FBXO42: variants seen among roughly 807,000 people sequenced by gnomAD.
FBXO42 encodes the protein F-box protein 42.
In FBXO42, 12 loss-of-function variants were observed where a neutral mutation model predicts 71.7. That is an observed-to-expected ratio of 0.17 (90% CI 0.11 to 0.27). The LOEUF is 0.27. FBXO42 is among the 10% of genes least tolerant of loss of function. The pLI is 1.00. For synonymous variants in FBXO42, 325 were observed against 327.5 expected (o/e 0.99, Z 0.08); for missense variants, 707 against 911.9 (o/e 0.78, Z 2.89).
chr1:16,317,869 T>G (rs1013622155), intron 1 of FBXO42, among the ~76,000 whole-genome samples: 3 of 147,894 alleles, frequency 2.0e-5, no homozygotes, highest in African/African-American at 7.5e-5. Context: ...CAGGAAGCCA[T>G]GACCACACCA....
chr1:16,328,116 C>A (rs12134924), intron 1 of FBXO42, among the ~76,000 whole-genome samples: 39,305 of 152,016 alleles, frequency 0.26, 5,862 homozygotes, highest in Non-Finnish European at 0.34. Context: ...ACTCAAAGCT[C>A]ACAACCCACA....
intron 4 of FBXO42, among the ~76,000 whole-genome samples, chr1:16,280,348 G>A (rs1051234691): frequency 6.6e-6 from 1 of 152,128 alleles, no homozygotes; most frequent in African/African-American, 2.4e-5. Context: ...CAGCCAAAAG[G>A]AGCCTAAGGA....
chr1:16,277,595 T>G (rs1410486517), intron 4 of FBXO42, among the ~76,000 whole-genome samples: 3 of 151,364 alleles, frequency 2.0e-5, no homozygotes, highest in Non-Finnish European at 2.9e-5. Flanking sequence ...CGTGGTGGTA[T>G]GCACCTGTAA....
In FBXO42 at chr1:16,252,592, A is replaced by C. The variant is rs1279986267; in HGVS notation, c.922-188T>G. 6.6e-6 allele frequency among the ~76,000 whole-genome samples: 1 copy of C among 152,182 alleles called. No homozygotes were observed. The highest frequency in any genetic ancestry group is 2.4e-5 in the African/African-American group (1 of 41,434). ...TCCACTTACGCTTTCATTCATTCAT[A>C]TATTACCACTGGCTTAGCACATGGA... On this transcript the variant is annotated intron_variant, in intron 8 of 9. Coordinates refer to ENST00000375592, the MANE Select transcript of FBXO42 (RefSeq NM_018994.3). The surrounding 1 kb of genome is among the most constrained non-coding windows in gnomAD (Gnocchi z 4.4).
chr1:16,335,063 CAAAAAAAA>C (rs55983316), intron 1 of FBXO42, among the ~76,000 whole-genome samples: 3 of 68,990 alleles, frequency 4.3e-5, no homozygotes, highest in East Asian at 4.5e-4. Flanking sequence ...CTCGTCTGTA[CAAAAAAAA>C]AAAAAAAAAA....
chr1:16,254,365 G>T (rs1037261894), intron 6 of FBXO42, among the ~76,000 whole-genome samples: 1 of 152,208 alleles, frequency 6.6e-6, no homozygotes, highest in Non-Finnish European at 1.5e-5. Context: ...CTTCATCATT[G>T]TCCAGGAGTT....
At chr1:16,345,771 C>T (rs1227103030) in intron 1 of FBXO42, among the ~76,000 whole-genome samples, 1 of 147,206 alleles carries the variant, frequency 6.8e-6, no homozygotes, top group Non-Finnish European at 1.5e-5. Flanking sequence ...TGGCATGAAC[C>T]GGGGAGGCAG....
intron 4 of FBXO42, chr1:16,294,522 C>G (rs1470231123): frequency 4.8e-6 from 2 of 420,908 alleles, no homozygotes; most frequent in East Asian, 4.2e-5. Flanking sequence ...TATGAGTATA[C>G]TTGAGAAAAC....
rs1234685196 is a variant in FBXO42, at chr1:16,248,009, G to A, written c.*2661C>T. Reference sequence around the variant, plus strand: ...ACAAAATGAATTTTCAATAAATACGGATAAATATTTGCTTCAGGTGCTCCT... The same window carrying A: ...ACAAAATGAATTTTCAATAAATACGAATAAATATTTGCTTCAGGTGCTCCT... On this transcript the variant is annotated 3_prime_UTR_variant, in exon 10 of 10. Coordinates refer to ENST00000375592, the MANE Select transcript of FBXO42 (RefSeq NM_018994.3). 5.9e-5 allele frequency: 9 copies of A among 152,152 alleles called. No homozygotes were observed. The East Asian group carries it at 1.7e-3, about 29-fold the overall frequency. The allele number at this position is 152,152 out of a possible 1,614,324, so 9.4% of individuals were successfully genotyped here.
Position 16,248,384 on chromosome 1 carries a change from G to A in FBXO42, c.*2286C>T, listed in dbSNP as rs2100416673. 6.6e-6 allele frequency: 1 copy of A among 152,272 alleles called. No individual in the cohort carries two copies. The highest frequency in any genetic ancestry group is 6.5e-5 in the Admixed American group (1 of 15,290). 9.4% of individuals were successfully genotyped at this position (152,272 alleles called of 1,614,324 possible). ...AGTATGCGTCAAACTGGAATTCAAT[G>A]GAGTTCAGAGGAACCAGATTACTTT... is the stretch of plus-strand genomic sequence containing the variant. On this transcript the variant is annotated 3_prime_UTR_variant, in exon 10 of 10. Transcript: ENST00000375592.
intron 4 of FBXO42, among the ~76,000 whole-genome samples, chr1:16,259,217 CT>C (rs1231221425): frequency 2.0e-5 from 3 of 152,146 alleles, no homozygotes; most frequent in African/African-American, 7.2e-5. Flanking sequence ...ATTAGAAAGC[CT>C]AAGTAATATA....
At chr1:16,285,256 A>G (rs72638103) in intron 4 of FBXO42, among the ~76,000 whole-genome samples, 12,294 of 152,086 alleles carry the variant, frequency 0.081, 721 homozygotes, top group East Asian at 0.15. Context: ...AAGAAAAAAA[A>G]AATCAATGTA....
intron 1 of FBXO42, among the ~76,000 whole-genome samples, chr1:16,342,853 C>T (rs1006821920): frequency 3.3e-5 from 5 of 151,916 alleles, no homozygotes; most frequent in Non-Finnish European, 5.9e-5. Context: ...TCTGGCTCTC[C>T]GAAACTAGAT....
chr1:16,305,563 A>C (rs1014583799), intron 3 of FBXO42, among the ~76,000 whole-genome samples: 1 of 152,052 alleles, frequency 6.6e-6, no homozygotes, highest in African/African-American at 2.4e-5. Flanking sequence ...AAAATACAAA[A>C]GTTAACCAGG....
At position 16,251,538 on chromosome 1, in the gene FBXO42, G is replaced by GA; in HGVS notation, c.1285dup (p.Ser429PhefsTer44). 1 of 1,614,140 alleles carries GA rather than the reference G, an allele frequency of 6.2e-7. No homozygotes were observed. Among genetic ancestry groups the GA allele is most frequent in the Non-Finnish European group, 8.5e-7 (1 of 1,180,010 alleles). Reference sequence around the variant, plus strand: ...AGGAGAGCCGTCTCCTCTGGCTGGGGAAAGGCTCCCTTCCCGGGAACCTGA... The same window carrying GA: ...AGGAGAGCCGTCTCCTCTGGCTGGGGAAAAGGCTCCCTTCCCGGGAACCTGA... On this transcript the variant is annotated frameshift_variant, in exon 10 of 10. Coordinates refer to ENST00000375592, the MANE Select transcript of FBXO42 (RefSeq NM_018994.3). LOFTEE classifies it high-confidence loss of function. The surrounding 1 kb of genome is among the most constrained non-coding windows in gnomAD (Gnocchi z 4.5).
chr1:16,350,055 G>T (rs2082685181), intron 1 of FBXO42, among the ~76,000 whole-genome samples: 1 of 152,016 alleles, frequency 6.6e-6, no homozygotes, highest in South Asian at 2.1e-4. Context: ...CTTACTCAGG[G>T]TTTAAACCAC....
At chr1:16,273,894 A>G (rs1302522436) in intron 4 of FBXO42, among the ~76,000 whole-genome samples, 1 of 152,172 alleles carries the variant, frequency 6.6e-6, no homozygotes, top group Non-Finnish European at 1.5e-5. Context: ...CAAGAAAAAA[A>G]GTGGGATATT....
At chr1:16,288,162 G>C (rs932881416) in intron 4 of FBXO42, among the ~76,000 whole-genome samples, 1 of 151,370 alleles carries the variant, frequency 6.6e-6, no homozygotes, top group East Asian at 2.0e-4. Context: ...ATAATAGGCC[G>C]GGTGCAGTGG....
rs1401249408 is a variant in FBXO42, at chr1:16,256,633, ATT to A, written c.627_628del (p.Glu209AspfsTer8). 6.2e-7 allele frequency: 1 copy of A among 1,614,170 alleles called. No individual in the cohort carries two copies. The highest frequency in any genetic ancestry group is 1.1e-5 in the South Asian group (1 of 91,078). ...ATTTTTAGAGGGTGAGTAAGTGTGT[ATT>A]TCATCAAAGAATCTCTCTGGCTGGT... On this transcript the variant is annotated frameshift_variant, in exon 5 of 10. Transcript: ENST00000375592. LOFTEE classifies it high-confidence loss of function.
Sources: allele counts gnomAD v4.1 joint callset (sites outside exome capture counted in the v4.1 genomes callset), GRCh38; gene constraint gnomAD v4.1.1; non-coding constraint Gnocchi (gnomAD v3.1); transcripts MANE v1.5; gene names NCBI Gene and HGNC (gene_info 2026-07-23, HGNC 2026-07-21).